MYH7B: variants seen among roughly 807,000 people sequenced by gnomAD.
The protein encoded by MYH7B is myosin-7B.
MYH7B carries 205 observed loss-of-function variants against 234.5 expected under a neutral mutation model. The ratio of observed to expected loss-of-function variants is 0.87; its 90% CI spans 0.78 to 0.98. The LOEUF is 0.98. MYH7B is among the 50% of genes least tolerant of loss of function. The pLI, the probability that MYH7B is intolerant of heterozygous loss-of-function variation, is 0.00. For missense variants in MYH7B, 2,652 were observed against 2,633.4 expected (o/e 1.01, Z -0.15); for synonymous variants, 1,193 against 1,105.0 (o/e 1.08, Z -1.58).
chr20:34,980,678 A>T (rs2081928549), exon 8 of MYH7B: 1 of 1,614,086 alleles, frequency 6.2e-7, no homozygotes, highest in South Asian at 1.1e-5. Flanking sequence ...CGCCGCTCAG[A>T]TTCCCCGCCC....
intron 22 of MYH7B, 65 bp from the exon 23 acceptor site, chr20:34,990,673 C>T: frequency 6.7e-7 from 1 of 1,492,036 alleles, no homozygotes; most frequent in Non-Finnish European, 9.3e-7. Context: ...GTCCTGACCA[C>T]TGCGGCATCC....
intron 2 of MYH7B, among the ~76,000 whole-genome samples, chr20:34,960,048 T>C (rs1001316557): frequency 6.6e-6 from 1 of 152,204 alleles, no homozygotes; most frequent in African/African-American, 2.4e-5. Context: ...GGGCTCAGAC[T>C]TCCCAAAGCT....
chr20:34,982,630 T>C (rs1419976254), intron 10 of MYH7B, 75 bp downstream of exon 10: 1 of 1,298,280 alleles, frequency 7.7e-7, no homozygotes, highest in Non-Finnish European at 1.0e-6. Context: ...CTCTTTTTTT[T>C]TTTTCCCCCT....
chr20:34,979,338 C>T, intron 5 of MYH7B, 52 bp from the exon 6 acceptor site: 1 of 1,414,708 alleles, frequency 7.1e-7, no homozygotes, highest in South Asian at 1.3e-5. Context: ...CCAGCTAGAA[C>T]CTGGAGGTGC....
exon 41 of MYH7B, chr20:35,001,138 G>T: frequency 6.2e-7 from 1 of 1,613,772 alleles, no homozygotes; most frequent in Non-Finnish European, 8.5e-7. Flanking sequence ...GAAGAAGCAG[G>T]TGCAGAAGCT....
At chr20:34,968,441 C>T (rs1351219963) in intron 2 of MYH7B, among the ~76,000 whole-genome samples, 1 of 152,178 alleles carries the variant, frequency 6.6e-6, no homozygotes, top group Non-Finnish European at 1.5e-5. Flanking sequence ...ATTGAAGCTC[C>T]GTGAGGAAGA....
chr20:34,988,031 C>G, intron 18 of MYH7B, 61 bp from the exon 19 acceptor site: 1 of 1,580,764 alleles, frequency 6.3e-7, no homozygotes, highest in Non-Finnish European at 8.6e-7. Flanking sequence ...CATGCCCCTC[C>G]CCGGGCCTCC....
intron 33 of MYH7B, 39 bp downstream of exon 33, chr20:34,998,460 T>C (rs1230048970): frequency 6.2e-7 from 1 of 1,612,528 alleles, no homozygotes; most frequent in Non-Finnish European, 8.5e-7. Flanking sequence ...AGGCAGGGCT[T>C]TGGTGCAGCC....
chr20:34,980,522 A>G, intron 7 of MYH7B, 56 bp from the exon 8 acceptor site: 1 of 1,477,862 alleles, frequency 6.8e-7, no homozygotes, highest in Non-Finnish European at 9.4e-7. Flanking sequence ...TGGGAGACAG[A>G]GCAAGACTCC....
At chr20:34,998,454 A>G in intron 33 of MYH7B, 33 bp downstream of exon 33, 1 of 1,612,724 alleles carries the variant, frequency 6.2e-7, no homozygotes, top group Non-Finnish European at 8.5e-7. Flanking sequence ...CACACCAGGC[A>G]GGGCTTTGGT....
chr20:34,984,457 G>T (rs1600431376), intron 10 of MYH7B, among the ~76,000 whole-genome samples: 1 of 152,270 alleles, frequency 6.6e-6, no homozygotes, highest in East Asian at 1.9e-4. Flanking sequence ...TGGGGCAGAG[G>T]AGGCTGCAGG....
chr20:34,958,129 T>A lies in MYH7B; in HGVS notation c.-305T>A, dbSNP rs2081659058. ...CTCTTCCAAGACGGGTGCCAAGTGA[T>A]GAGTATCAGGTGTCTATGGTGAGAT... On this transcript the variant is annotated 5_prime_UTR_variant, in exon 2 of 45. The change abolishes an upstream ATG in the 5' untranslated region. Coordinates refer to ENST00000262873, the Ensembl canonical transcript of MYH7B. Among the ~76,000 whole-genome samples, 2 of 152,212 alleles carry A rather than the reference T, an allele frequency of 1.3e-5. No individual in the cohort carries two copies. Among genetic ancestry groups the A allele is most frequent in the African/African-American group, 4.8e-5 (2 of 41,442 alleles).
At chr20:34,988,341 C>T (rs2082072234) in intron 19 of MYH7B, 79 bp downstream of exon 19, 1 of 1,487,532 alleles carries the variant, frequency 6.7e-7, no homozygotes, top group Non-Finnish European at 9.1e-7. Context: ...CCATGGCTTG[C>T]ATGGAAGCCT....
At chr20:34,990,598 C>A in intron 22 of MYH7B, 140 bp from the exon 23 acceptor site, 1 of 796,354 alleles carries the variant, frequency 1.3e-6, no homozygotes, top group Non-Finnish European at 2.2e-6. Context: ...CGAAGGGTCT[C>A]CCATCACCAG....
exon 21 of MYH7B, chr20:34,990,058 C>A: frequency 6.2e-7 from 1 of 1,614,150 alleles, no homozygotes; most frequent in Non-Finnish European, 8.5e-7. Flanking sequence ...ACAAGGATCC[C>A]CTGAATGAGA....
chr20:34,970,780 CAG>C (rs1365560882), intron 2 of MYH7B, among the ~76,000 whole-genome samples: 2 of 152,196 alleles, frequency 1.3e-5, no homozygotes, highest in Non-Finnish European at 2.9e-5. Flanking sequence ...GATAAAGAGT[CAG>C]AGGCCAAGAC....
At chr20:34,984,820 G>T (rs377459609) in intron 11 of MYH7B, 34 bp from the exon 12 acceptor site, 2 of 1,604,446 alleles carry the variant, frequency 1.2e-6, no homozygotes, top group African/African-American at 2.7e-5. Context: ...GTAGGCACCA[G>T]AACTGACAGA....
At chr20:34,973,200 G>T (rs1219420814) in intron 2 of MYH7B, among the ~76,000 whole-genome samples, 3 of 152,108 alleles carry the variant, frequency 2.0e-5, no homozygotes, top group African/African-American at 7.2e-5. Flanking sequence ...TCAAACTCCT[G>T]GCCTCAAGTG....
At chr20:34,980,393 A>G in intron 7 of MYH7B, 185 bp from the exon 8 acceptor site, 1 of 591,000 alleles carries the variant, frequency 1.7e-6, no homozygotes, top group Non-Finnish European at 3.0e-6. Context: ...TACTAAAAAT[A>G]CAAAAATTAG....
Sources: allele counts gnomAD v4.1 joint callset (sites outside exome capture counted in the v4.1 genomes callset), GRCh38; gene constraint gnomAD v4.1.1; transcripts MANE v1.5; gene names NCBI Gene and HGNC (gene_info 2026-07-23, HGNC 2026-07-21).